DLX4: variants seen among roughly 807,000 people sequenced by gnomAD.
DLX4 encodes homeobox protein DLX-4.
Under a neutral mutation model 17.1 loss-of-function variants are expected in DLX4, and 13 were observed. The ratio of observed to expected loss-of-function variants is 0.76; its 90% CI spans 0.49 to 1.21. The LOEUF (loss-of-function observed/expected upper bound fraction) is 1.21. Among genes scored for constraint, DLX4 ranks in the 50% most tolerant of loss-of-function variants. The pLI, the probability that DLX4 is intolerant of heterozygous loss-of-function variation, is 0.00. For synonymous variants in DLX4, 129 were observed against 140.3 expected (o/e 0.92, Z 0.57); for missense variants, 297 against 301.4 (o/e 0.99, Z 0.11).
Position 49,974,021 on chromosome 17 carries a change from G to T in DLX4, c.*78G>T, listed in dbSNP as rs1361748457. 3 of 1,460,262 alleles carry T rather than the reference G, an allele frequency of 2.1e-6. No homozygotes were observed. Among genetic ancestry groups the T allele is most frequent in the Non-Finnish European group, 1.8e-6 (2 of 1,109,874 alleles). 90.5% of individuals were successfully genotyped at this position (1,460,262 alleles called of 1,614,324 possible). ...AGGCAGTCCACCTGCACCCCTTCTG[G>T]GCTGGGAGGAAACCAGCTCCAGATG... is the stretch of plus-strand genomic sequence containing the variant. On this transcript the variant is annotated 3_prime_UTR_variant, in exon 3 of 3. Coordinates refer to ENST00000240306, the MANE Select transcript of DLX4 (RefSeq NM_138281.3).
At chr17:49,973,362 G>C in intron 2 of DLX4, 93 bp downstream of exon 2, 1 of 1,505,938 alleles carries the variant, frequency 6.6e-7, no homozygotes, top group Non-Finnish European at 9.0e-7. Context: ...TGATGGATTG[G>C]TGCTGTGGCC....
intron 2 of DLX4, 146 bp from the exon 3 acceptor site, chr17:49,973,555 G>A: frequency 8.8e-7 from 1 of 1,136,380 alleles, no homozygotes; most frequent in Non-Finnish European, 1.2e-6. Context: ...TCCTGGGGCT[G>A]TGGGGGACTG....
intron 1 of DLX4, 35 bp from the exon 2 acceptor site, chr17:49,973,038 C>T (rs1172160285): frequency 1.9e-6 from 3 of 1,608,362 alleles, no homozygotes; most frequent in East Asian, 2.2e-5. Flanking sequence ...CTCGCTCCCT[C>T]CTCGCCCCCT....
At position 49,974,132 on chromosome 17, in the gene DLX4, C is replaced by A; in HGVS notation, c.*189C>A. The A allele has an allele frequency of 3.1e-6, 2 of 637,232 alleles. No homozygotes were observed. The highest frequency in any genetic ancestry group is 4.8e-6 in the Non-Finnish European group (2 of 415,394). 39.5% of individuals were successfully genotyped at this position (637,232 alleles called of 1,614,324 possible). A position where few individuals can be genotyped will look rare whatever the true frequency, so the allele number is the denominator to read the frequency against. ...CTAACCCTAACAGCTAAATCAAGGA[C>A]CTCAGCCTTATATAATCATTGTCCC... On this transcript the variant is annotated 3_prime_UTR_variant, in exon 3 of 3. Coordinates refer to ENST00000240306, the MANE Select transcript of DLX4 (RefSeq NM_138281.3).
intron 1 of DLX4, among the ~76,000 whole-genome samples, chr17:49,971,749 C>T (rs74388576): frequency 1.3e-5 from 2 of 151,952 alleles, no homozygotes; most frequent in Non-Finnish European, 2.9e-5. Context: ...GCAGGACAGG[C>T]GCGGGCGGGA....
Position 49,969,284 on chromosome 17 carries a change from C to T in DLX4, c.-185C>T, listed in dbSNP as rs372907782. The stretch of plus-strand genomic sequence containing the variant: ...TCATGGGGGGCACCCCCCCGGAACC[C>T]CTTTCCCAGGCGCGCGTTCTCCGCT... On this transcript the variant is annotated 5_prime_UTR_variant, in exon 1 of 3. Coordinates refer to ENST00000240306, the MANE Select transcript of DLX4 (RefSeq NM_138281.3). 135 of 640,820 alleles carry T rather than the reference C, an allele frequency of 2.1e-4. No individual in the cohort carries two copies. In the East Asian group the frequency reaches 4.3e-3, roughly 20 times the overall value. The allele number at this position is 640,820 out of a possible 1,614,324, so 39.7% of individuals were successfully genotyped here.
chr17:49,969,098 G>A (rs765156649), upstream of DLX4: 1 of 221,140 alleles, frequency 4.5e-6, no homozygotes, highest in African/African-American at 2.3e-5. Context: ...CTCTACAGCG[G>A]GCTGTCCCGG....
chr17:49,972,028 C>A lies in DLX4; in HGVS notation c.284-1045C>A, dbSNP rs1304731536. Reference sequence around the variant, plus strand: ...CCGCAGGGAATGCGGCGAACGCTGCCCTAAGCGCCCGGGCATTGCGGCTGC... The same window carrying A: ...CCGCAGGGAATGCGGCGAACGCTGCACTAAGCGCCCGGGCATTGCGGCTGC... On this transcript the variant is annotated intron_variant, in intron 1 of 2. Transcript: ENST00000240306. The surrounding 1 kb of genome is among the most constrained non-coding windows in gnomAD (Gnocchi z 5.4). 6.6e-6 allele frequency: 1 copy of A among 152,214 alleles called. No homozygotes were observed. Among genetic ancestry groups the A allele is most frequent in the Non-Finnish European group, 1.5e-5 (1 of 68,092 alleles). The allele number at this position is 152,214 out of a possible 1,614,324, so 9.4% of individuals were successfully genotyped here.
At position 49,969,711 on chromosome 17, in the gene DLX4, C is replaced by G. The variant is rs1165829505; in HGVS notation, c.243C>G (p.Pro81=). Residue 81 remains proline, a synonymous_variant, in exon 1 of 3, where the codon CCC becomes CCG. Transcript: ENST00000240306. ...SCQQPAALSQ[P]LCGPAEHPQE... is the part of the protein sequence containing the mutation. ...AGCAACCCGCGGCGCTCTCTCAGCC[C>G]CTCTGCGGACCTGCAGAGCACCCTC... 1 of 1,601,344 alleles carries G rather than the reference C, an allele frequency of 6.2e-7. No homozygotes were observed. Among genetic ancestry groups the G allele is most frequent in the East Asian group, 2.2e-5 (1 of 44,810 alleles).
At position 49,972,799 on chromosome 17, in the gene DLX4, C is replaced by CACAGTTCTCCAGGGAATGTTCATAGCT; in HGVS notation, c.284-274_284-273insACAGTTCTCCAGGGAATGTTCATAGCT. 1 of 1,387,000 alleles carries CACAGTTCTCCAGGGAATGTTCATAGCT rather than the reference C, an allele frequency of 7.2e-7. No homozygotes were observed. The highest frequency in any genetic ancestry group is 1.8e-5 in the South Asian group (1 of 56,328). 85.9% of individuals were successfully genotyped at this position (1,387,000 alleles called of 1,614,324 possible). A position where few individuals can be genotyped will look rare whatever the true frequency, so the allele number is the denominator to read the frequency against. On this transcript the variant is annotated intron_variant, in intron 1 of 2. Coordinates refer to ENST00000240306, the MANE Select transcript of DLX4 (RefSeq NM_138281.3). This position sits in a 1 kb window ranked among gnomAD's most constrained non-coding sequence, Gnocchi z 5.4. ...GCCGCGGTACCCTGGCTGTGGCCCT[C>CACAGTTCTCCAGGGAATGTTCATAGCT]GGCGCTTTCTTCCTAGGGTCACAGG...
At position 49,973,754 on chromosome 17, in the gene DLX4, G is replaced by C. The variant is rs1334706609; in HGVS notation, c.534G>C (p.Gln178His). 2 of 1,539,994 alleles carry C rather than the reference G, an allele frequency of 1.3e-6. No individual in the cohort carries two copies. Among genetic ancestry groups the C allele is most frequent in the East Asian group, 2.4e-5 (1 of 42,280 alleles). The change falls in exon 3 of 3, where the codon CAG becomes CAC. Residue 178 changes from glutamine (Q) to histidine (H), a missense_variant. Gln to His is a conservative substitution (Grantham distance 24). Transcript: ENST00000240306. ...KRSKYKKLLK[Q>H]NSGGQEGDFP... ...CCAAGTATAAGAAGCTCCTGAAGCA[G>C]AATTCTGGGGGGCAGGAAGGGGACT...
upstream of DLX4, chr17:49,968,916 C>T (rs1357568588): frequency 6.6e-6 from 1 of 152,400 alleles, no homozygotes; most frequent in East Asian, 1.9e-4. Context: ...TGCCCACCAC[C>T]CAGCTCCCTG....
chr17:49,969,731 A>G lies in DLX4; in HGVS notation c.263A>G (p.His88Arg). ...LSQPLCGPAE[H>R]PQELEADSEK... is the part of the protein sequence containing the mutation. Reference sequence around the variant, plus strand: ...CAGCCCCTCTGCGGACCTGCAGAGCACCCTCAGGAACTCGAGGCAGGTAAG... The same window carrying G: ...CAGCCCCTCTGCGGACCTGCAGAGCGCCCTCAGGAACTCGAGGCAGGTAAG... The change falls in exon 1 of 3, where the codon CAC becomes CGC. Residue 88 changes from histidine (H) to arginine (R), a missense_variant. Coordinates refer to ENST00000240306, the MANE Select transcript of DLX4 (RefSeq NM_138281.3). 6.3e-7 allele frequency: 1 copy of G among 1,596,058 alleles called. No individual in the cohort carries two copies. The highest frequency in any genetic ancestry group is 8.5e-7 in the Non-Finnish European group (1 of 1,177,624).
At chr17:49,973,525 G>A in intron 2 of DLX4, 176 bp from the exon 3 acceptor site, 2 of 1,001,688 alleles carry the variant, frequency 2.0e-6, no homozygotes, top group Non-Finnish European at 2.9e-6. Context: ...TACTAGCTCA[G>A]AGGCAGGAAC....
Position 49,969,369 on chromosome 17 carries a change from G to T in DLX4, c.-100G>T, listed in dbSNP as rs905161751. 1 of 1,349,732 alleles carries T rather than the reference G, an allele frequency of 7.4e-7. No homozygotes were observed. Among genetic ancestry groups the T allele is most frequent in the Non-Finnish European group, 9.9e-7 (1 of 1,013,022 alleles). The allele number at this position is 1,349,732 out of a possible 1,614,324, so 83.6% of individuals were successfully genotyped here. A position where few individuals can be genotyped will look rare whatever the true frequency, so the allele number is the denominator to read the frequency against. Reference sequence around the variant, plus strand: ...TTAAGTGTGGGGGCTGCTGGCTGGGGGGCCCGTCCGGCCCAACGCCGGAGG... The same window carrying T: ...TTAAGTGTGGGGGCTGCTGGCTGGGTGGCCCGTCCGGCCCAACGCCGGAGG... On this transcript the variant is annotated 5_prime_UTR_variant, in exon 1 of 3. Transcript: ENST00000240306.
In DLX4 at chr17:49,969,244, G is replaced by A. The variant is rs1567906024; in HGVS notation, c.-225G>A. ...GAGGAGGGGGCCCCCATGGATTTAG[G>A]GGGGGAGGGGAAAGTCATGGGGGGC... is the stretch of plus-strand genomic sequence containing the variant. On this transcript the variant is annotated 5_prime_UTR_variant, in exon 1 of 3. Transcript: ENST00000240306. The A allele has an allele frequency of 7.1e-6, 3 of 422,632 alleles. No individual in the cohort carries two copies. The highest frequency in any genetic ancestry group is 1.2e-4 in the South Asian group (2 of 16,116). 26.2% of individuals were successfully genotyped at this position (422,632 alleles called of 1,614,324 possible). A position where few individuals can be genotyped will look rare whatever the true frequency, so the allele number is the denominator to read the frequency against.
At position 49,972,796 on chromosome 17, in the gene DLX4, C is replaced by T; in HGVS notation, c.284-277C>T. ...GGCGCCGCGGTACCCTGGCTGTGGC[C>T]CTCGGCGCTTTCTTCCTAGGGTCAC... On this transcript the variant is annotated intron_variant, in intron 1 of 2. Transcript: ENST00000240306. This position sits in a 1 kb window ranked among gnomAD's most constrained non-coding sequence, Gnocchi z 5.4. The T allele has an allele frequency of 1.4e-6, 2 of 1,390,314 alleles. No homozygotes were observed. The highest frequency in any genetic ancestry group is 1.5e-5 in the African/African-American group (1 of 68,302). The allele number at this position is 1,390,314 out of a possible 1,614,324, so 86.1% of individuals were successfully genotyped here. A position where few individuals can be genotyped will look rare whatever the true frequency, so the allele number is the denominator to read the frequency against.
At chr17:49,970,621 G>T (rs966791845) in intron 1 of DLX4, among the ~76,000 whole-genome samples, 6 of 152,220 alleles carry the variant, frequency 3.9e-5, no homozygotes, top group African/African-American at 1.2e-4. Flanking sequence ...TACAATGTGG[G>T]TATGGCATTG....
At position 49,969,429 on chromosome 17, in the gene DLX4, C is replaced by T; in HGVS notation, c.-40C>T. 1 of 1,478,238 alleles carries T rather than the reference C, an allele frequency of 6.8e-7. No homozygotes were observed. Among genetic ancestry groups the T allele is most frequent in the Admixed American group, 2.4e-5 (1 of 42,096 alleles). 91.6% of individuals were successfully genotyped at this position (1,478,238 alleles called of 1,614,324 possible). ...GAGAGTTGGCAGCGGGAGCGGACTACGTGCCGGGCCATGGCCCTTCTGCCC... is the reference window on the plus strand; with the variant it reads ...GAGAGTTGGCAGCGGGAGCGGACTATGTGCCGGGCCATGGCCCTTCTGCCC... On this transcript the variant is annotated 5_prime_UTR_variant, in exon 1 of 3. In the 5' UTR this introduces an upstream ATG that the reference lacks. Transcript: ENST00000240306.
Sources: gnomAD v4.1 joint callset for allele counts (sites outside exome capture counted in the v4.1 genomes callset) on GRCh38, gnomAD v4.1.1 for gene constraint, Gnocchi (gnomAD v3.1) non-coding constraint, MANE v1.5 for transcripts, NCBI Gene and HGNC (gene_info 2026-07-23, HGNC 2026-07-21) for gene names.